The following DHX57 variants were observed in gnomAD, a reference collection of about 807,000 sequenced individuals.
DHX57 encodes the protein putative ATP-dependent RNA helicase DHX57.
In DHX57, 105 loss-of-function variants were observed where a neutral mutation model predicts 156.2. That is an observed-to-expected ratio of 0.67 (90% CI 0.57 to 0.79). DHX57 has a LOEUF of 0.79. Ranked by LOEUF, DHX57 falls within the 30% of genes least tolerant of loss-of-function variation. The pLI is 0.00. For synonymous variants in DHX57, 704 were observed against 595.6 expected (o/e 1.18, Z -2.65); for missense variants, 1,847 against 1,661.9 (o/e 1.11, Z -1.94).
chr2:38,856,761 A>G (rs1051107800), intron 6 of DHX57: 6 of 211,546 alleles, frequency 2.8e-5, no homozygotes, highest in African/African-American at 1.4e-4. Flanking sequence ...TTGGTCTCCC[A>G]AAGTGCTGGG....
rs746307183 is a variant in DHX57 at position 38,837,992 on chromosome 2, T to C, written c.2426-45A>G. On this transcript the variant is annotated intron_variant, in intron 12 of 23. Coordinates refer to ENST00000457308, the MANE Select transcript of DHX57 (RefSeq NM_198963.3). ...AAATGAGAAGGATATTTATACCTTGTTGATGTATTTTATTGTATATTTATA... is the reference window on the plus strand; with the variant it reads ...AAATGAGAAGGATATTTATACCTTGCTGATGTATTTTATTGTATATTTATA... 6 of 1,247,806 alleles carry C rather than the reference T, an allele frequency of 4.8e-6. No homozygotes were observed. The East Asian group carries it at 6.9e-5, about 14-fold the overall frequency. 77.3% of individuals were successfully genotyped at this position (1,247,806 alleles called of 1,614,324 possible). A position where few individuals can be genotyped will look rare whatever the true frequency, so the allele number is the denominator to read the frequency against.
chr2:38,806,063 A>G (rs1319225376), intron 22 of DHX57, among the ~76,000 whole-genome samples: 1 of 152,238 alleles, frequency 6.6e-6, no homozygotes, highest in Non-Finnish European at 1.5e-5. Context: ...GAGAATTTCA[A>G]GAGGAAGACA....
In DHX57 at chr2:38,826,009, G is replaced by A; in HGVS notation, c.2852C>T (p.Thr951Ile). 1 of 1,614,166 alleles carries A rather than the reference G, an allele frequency of 6.2e-7. No individual in the cohort carries two copies. The highest frequency in any genetic ancestry group is 8.5e-7 in the Non-Finnish European group (1 of 1,180,024). The change falls in exon 16 of 24, where the codon ACC becomes ATC. Residue 951 changes from threonine (T) to isoleucine (I), a missense_variant. Coordinates refer to ENST00000457308, the MANE Select transcript of DHX57 (RefSeq NM_198963.3). ...ASKGMESLED[T>I]FVSQANALQR... ...TAGAGCATTAGCTTGAGATACAAAG[G>A]TGTCCTCTAGACTTTCCATCCCTTT...
intron 1 of DHX57, among the ~76,000 whole-genome samples, chr2:38,873,243 G>C (rs1665437832): frequency 6.6e-6 from 1 of 152,100 alleles, no homozygotes; most frequent in Non-Finnish European, 1.5e-5. Context: ...TGTCCACCTT[G>C]GCCTCCCAAA....
intron 9 of DHX57, chr2:38,853,734 A>G (rs759639036): frequency 1.2e-5 from 2 of 164,576 alleles, no homozygotes; most frequent in Non-Finnish European, 2.6e-5. Context: ...AAGAAGATAC[A>G]TTCAGCCACA....
chr2:38,831,060 T>G (rs2124833353), intron 13 of DHX57, among the ~76,000 whole-genome samples: 1 of 151,662 alleles, frequency 6.6e-6, no homozygotes, highest in South Asian at 2.1e-4. Flanking sequence ...AAAGTGAAAC[T>G]CTGTCTCAAA....
Position 38,801,576 on chromosome 2 carries a change from A to AT in DHX57, c.4017+1138dup, listed in dbSNP as rs1005423691. 1.7e-3 allele frequency among the ~76,000 whole-genome samples: 247 copies of AT among 143,570 alleles called. 1 individual carries two copies. Among genetic ancestry groups the AT allele is most frequent in the East Asian group, 0.015 (77 of 4,984 alleles). 94.2% of individuals were successfully genotyped at this position (143,570 alleles called of 152,430 possible). ...AGGCGCCCGCCACCACGCCCAGCTA[A>AT]TTTTTTTTTTTGTATTTTTATATAT... On this transcript the variant is annotated intron_variant, in intron 23 of 23. Coordinates refer to ENST00000457308, the MANE Select transcript of DHX57 (RefSeq NM_198963.3).
At chr2:38,822,561 T>A (rs1670879309) in intron 17 of DHX57, among the ~76,000 whole-genome samples, 1 of 151,800 alleles carries the variant, frequency 6.6e-6, no homozygotes, top group Non-Finnish European at 1.5e-5. Flanking sequence ...GCCTGGCTAA[T>A]TTTTTGTATT....
intron 5 of DHX57, 64 bp from the exon 6 acceptor site, chr2:38,858,900 G>T: frequency 6.6e-7 from 1 of 1,514,544 alleles, no homozygotes; most frequent in Non-Finnish European, 8.9e-7. Context: ...GGGGAAAGTC[G>T]CTGTCTAACA....
At chr2:38,807,582 CTCCTGACCTTGTGA>C (rs1426935557) in intron 21 of DHX57, among the ~76,000 whole-genome samples, 1 of 152,102 alleles carries the variant, frequency 6.6e-6, no homozygotes, top group Admixed American at 6.6e-5. Context: ...TGGTCTCGAT[CTCCTGACCTTGTGA>C]TCCACCTGCG....
At chr2:38,842,424 T>C (rs556418721) in intron 12 of DHX57, among the ~76,000 whole-genome samples, 53 of 152,336 alleles carry the variant, frequency 3.5e-4, no homozygotes, top group Non-Finnish European at 6.8e-4. Flanking sequence ...CTGTGAATTA[T>C]ATAATTGTAT....
intron 13 of DHX57, among the ~76,000 whole-genome samples, chr2:38,835,396 G>C (rs893991367): frequency 6.6e-6 from 1 of 152,142 alleles, no homozygotes; most frequent in African/African-American, 2.4e-5. Context: ...CCAGTGTTCT[G>C]GTTGTACAAG....
chr2:38,838,295 C>G lies in DHX57; in HGVS notation c.2426-348G>C, dbSNP rs549003053. On this transcript the variant is annotated intron_variant, in intron 12 of 23. Transcript: ENST00000457308. ...ATTTTATTTTTTGTAGACATGGGGTCTTGCTGTGTTGCCCAGGCTGGTCTC... is the reference window on the plus strand; with the variant it reads ...ATTTTATTTTTTGTAGACATGGGGTGTTGCTGTGTTGCCCAGGCTGGTCTC... 1.3e-4 allele frequency among the ~76,000 whole-genome samples: 20 copies of G among 152,234 alleles called. 1 individual carries two copies. The East Asian group carries it at 3.7e-3, about 28-fold the overall frequency.
chr2:38,845,996 G>T (rs989943660), intron 11 of DHX57, among the ~76,000 whole-genome samples: 56 of 151,848 alleles, frequency 3.7e-4, no homozygotes, highest in African/African-American at 1.3e-3. Flanking sequence ...CTCCAGATTG[G>T]CTGGCATTAC....
At chr2:38,848,823 T>C (rs1298573087) in intron 9 of DHX57, among the ~76,000 whole-genome samples, 1 of 152,130 alleles carries the variant, frequency 6.6e-6, no homozygotes, top group African/African-American at 2.4e-5. Context: ...AGAGCAAAGG[T>C]GTCAGGTGTG....
At chr2:38,858,893 GA>G in intron 5 of DHX57, 57 bp from the exon 6 acceptor site, 2 of 1,528,720 alleles carry the variant, frequency 1.3e-6, no homozygotes, top group Non-Finnish European at 1.8e-6. Context: ...AACAAAAGGG[GA>G]AAGTCGCTGT....
At chr2:38,845,223 A>C (rs72911297) in intron 11 of DHX57, among the ~76,000 whole-genome samples, 4,376 of 151,848 alleles carry the variant, frequency 0.029, 101 homozygotes, top group African/African-American at 0.063. Context: ...ACAAAAAAAA[A>C]CCCATATATA....
At chr2:38,814,885 G>A (rs567747965) in intron 20 of DHX57, among the ~76,000 whole-genome samples, 1 of 151,916 alleles carries the variant, frequency 6.6e-6, no homozygotes, top group Middle Eastern at 3.4e-3. Context: ...ACCATGCCTG[G>A]ATAATTGTGT....
intron 9 of DHX57, among the ~76,000 whole-genome samples, chr2:38,851,410 A>G (rs1434761920): frequency 6.6e-6 from 1 of 152,104 alleles, no homozygotes; most frequent in Non-Finnish European, 1.5e-5. Flanking sequence ...TCTTGCCAAT[A>G]TTTTTACTGA....
Sources: gnomAD v4.1 joint callset for allele counts (sites outside exome capture counted in the v4.1 genomes callset) on GRCh38, gnomAD v4.1.1 for gene constraint, MANE v1.5 for transcripts, NCBI Gene and HGNC (gene_info 2026-07-23, HGNC 2026-07-21) for gene names.